Variants in MEMO1 observed in about 807,000 individuals in gnomAD.
MEMO1 encodes the protein protein MEMO1.
In MEMO1, 6 loss-of-function variants were observed where a neutral mutation model predicts 45.2. The observed-to-expected ratio is 0.13, with a 90% CI of 0.07 to 0.26. The LOEUF is 0.26. MEMO1 is among the 10% of genes least tolerant of loss of function. MEMO1 has a pLI of 1.00. For synonymous variants in MEMO1, 78 were observed against 124.3 expected, an observed-to-expected ratio of 0.63 and a Z score of 2.48; for missense variants, 184 against 370.5, an observed-to-expected ratio of 0.50 and a Z score of 4.13.
At chr2:31,932,444 GT>G (rs557249663) in intron 3 of MEMO1, among the ~76,000 whole-genome samples, 38 of 143,402 alleles carry the variant, frequency 2.6e-4, no homozygotes, top group Admixed American at 2.8e-4. Context: ...TTTTGTTGTT[GT>G]TTTTTTTTTT....
intron 4 of MEMO1, 27 bp from the exon 5 acceptor site, chr2:31,920,937 G>A (rs766316208): frequency 3.5e-5 from 50 of 1,421,222 alleles, no homozygotes; most frequent in Admixed American, 5.6e-5. Context: ...AAAAAAACAC[G>A]TAACAATTGC....
At chr2:31,975,066 G>A (rs1346621766) in intron 2 of MEMO1, among the ~76,000 whole-genome samples, 2 of 151,832 alleles carry the variant, frequency 1.3e-5, no homozygotes, top group Non-Finnish European at 2.9e-5. Context: ...CAGCTACTCG[G>A]GAGGCTGAGG....
intron 3 of MEMO1, among the ~76,000 whole-genome samples, chr2:31,941,780 G>A (rs1285468506): frequency 6.6e-6 from 1 of 152,154 alleles, no homozygotes; most frequent in Admixed American, 6.5e-5. Flanking sequence ...GTAAGTAGGA[G>A]TCAGGCTCCT....
At chr2:31,892,392 A>T (rs1677108459) in intron 6 of MEMO1, among the ~76,000 whole-genome samples, 1 of 152,190 alleles carries the variant, frequency 6.6e-6, no homozygotes, top group Non-Finnish European at 1.5e-5. Context: ...AGGTAAAAAA[A>T]GCTATTTTAC....
At chr2:31,996,748 G>GTAAA (rs1672665064) in intron 2 of MEMO1, among the ~76,000 whole-genome samples, 1 of 152,142 alleles carries the variant, frequency 6.6e-6, no homozygotes, top group South Asian at 2.1e-4. Context: ...ATACTCTTTA[G>GTAAA]GAGTCAAGGT....
chr2:31,898,802 GA>G (rs1558486424), intron 6 of MEMO1, among the ~76,000 whole-genome samples: 1 of 152,106 alleles, frequency 6.6e-6, no homozygotes, highest in Non-Finnish European at 1.5e-5. Context: ...GTCTAATATT[GA>G]TAATGGGGCG....
At chr2:31,874,320 C>G (rs1477696420) in intron 8 of MEMO1, among the ~76,000 whole-genome samples, 3 of 152,028 alleles carry the variant, frequency 2.0e-5, no homozygotes, top group Non-Finnish European at 4.4e-5. Context: ...CATTGCAAAG[C>G]ACTAATTACC....
chr2:31,950,172 G>A (rs1666671387), intron 2 of MEMO1, among the ~76,000 whole-genome samples: 1 of 152,080 alleles, frequency 6.6e-6, no homozygotes, highest in Non-Finnish European at 1.5e-5. Flanking sequence ...CCTGAGGTCA[G>A]GAGTTTGAGA....
At chr2:31,882,000 A>G (rs1356078905) in intron 8 of MEMO1, among the ~76,000 whole-genome samples, 1 of 151,980 alleles carries the variant, frequency 6.6e-6, no homozygotes, top group African/African-American at 2.4e-5. Flanking sequence ...CAAAAATTAG[A>G]TGGGCTTGGT....
At chr2:31,898,572 T>A (rs1233706271) in intron 6 of MEMO1, among the ~76,000 whole-genome samples, 1 of 152,220 alleles carries the variant, frequency 6.6e-6, no homozygotes, top group East Asian at 1.9e-4. Context: ...TGCACTGTGA[T>A]CTGAGAGACT....
At position 31,925,951 on chromosome 2, in the gene MEMO1, T is replaced by G. The variant is rs566582072; in HGVS notation, c.213-5041A>C. Among the ~76,000 whole-genome samples, 97 of 152,340 alleles carry G rather than the reference T, an allele frequency of 6.4e-4. 1 individual carries two copies. Among genetic ancestry groups the G allele is most frequent in the Middle Eastern group, 6.8e-3 (2 of 294 alleles). On this transcript the variant is annotated intron_variant, in intron 4 of 9. Coordinates refer to ENST00000404530, the MANE Select transcript of MEMO1 (RefSeq NM_001301833.4). Reference sequence around the variant, plus strand: ...AGTATGTTTCAGGAAAAAGCAGTTGTGTAGTTTTGAGTTGTAAGCTGAACC... The same window carrying G: ...AGTATGTTTCAGGAAAAAGCAGTTGGGTAGTTTTGAGTTGTAAGCTGAACC...
At chr2:31,911,162 C>A (rs959157118) in intron 6 of MEMO1, among the ~76,000 whole-genome samples, 2 of 151,914 alleles carry the variant, frequency 1.3e-5, no homozygotes, top group Non-Finnish European at 2.9e-5. Flanking sequence ...GGTACATCCA[C>A]AAAATGAAAC....
intron 6 of MEMO1, among the ~76,000 whole-genome samples, chr2:31,902,136 A>G (rs1244445051): frequency 6.6e-6 from 1 of 151,400 alleles, no homozygotes; most frequent in African/African-American, 2.4e-5. Context: ...ATTTTTTTAG[A>G]CCAGGTGTGC....
chr2:31,932,756 T>G (rs1438635340), intron 3 of MEMO1, among the ~76,000 whole-genome samples: 1 of 152,100 alleles, frequency 6.6e-6, no homozygotes, highest in Non-Finnish European at 1.5e-5. Flanking sequence ...TTTTTTATAC[T>G]CCTCTTCAGT....
intron 2 of MEMO1, among the ~76,000 whole-genome samples, chr2:31,956,616 A>G (rs1465729416): frequency 6.6e-6 from 1 of 152,248 alleles, no homozygotes; most frequent in African/African-American, 2.4e-5. Context: ...TTGAATAGTC[A>G]AAAATAAACT....
chr2:31,969,383 G>GTA (rs756681947), intron 2 of MEMO1, among the ~76,000 whole-genome samples: 29 of 148,562 alleles, frequency 2.0e-4, no homozygotes, highest in East Asian at 5.9e-4. Flanking sequence ...ATACACATGT[G>GTA]TATATATATA....
intron 6 of MEMO1, among the ~76,000 whole-genome samples, chr2:31,899,498 C>A (rs1182735938): frequency 6.6e-6 from 1 of 152,218 alleles, no homozygotes; most frequent in Non-Finnish European, 1.5e-5. Context: ...AAAACTGAAA[C>A]TGGACCCCTT....
chr2:32,001,990 C>CA (rs1195703677), intron 2 of MEMO1, among the ~76,000 whole-genome samples: 1 of 150,978 alleles, frequency 6.6e-6, no homozygotes, highest in Non-Finnish European at 1.5e-5. Context: ...TACTAAAATA[C>CA]AAAAAATTAG....
intron 8 of MEMO1, among the ~76,000 whole-genome samples, chr2:31,876,883 A>G (rs1239611646): frequency 1.3e-5 from 2 of 152,098 alleles, no homozygotes; most frequent in Non-Finnish European, 2.9e-5. Context: ...CTCTTCTACC[A>G]CCATCACCCT....
Sources: gnomAD v4.1 joint callset for allele counts (sites outside exome capture counted in the v4.1 genomes callset) on GRCh38, gnomAD v4.1.1 for gene constraint, MANE v1.5 for transcripts, NCBI Gene and HGNC (gene_info 2026-07-23, HGNC 2026-07-21) for gene names.